Variants in PHACTR4 observed in about 807,000 individuals in gnomAD.
PHACTR4 encodes phosphatase and actin regulator 4.
In PHACTR4, 51 loss-of-function variants were observed where a neutral mutation model predicts 72.7. That is an observed-to-expected ratio of 0.70 (90% CI 0.56 to 0.89). PHACTR4 has a LOEUF of 0.89. Among genes scored for constraint, PHACTR4 ranks in the 40% least tolerant of loss-of-function variants. PHACTR4 has a pLI of 0.00. For missense variants in PHACTR4, 731 were observed against 861.8 expected (o/e 0.85, Z 1.90); for synonymous variants, 255 against 302.5 (o/e 0.84, Z 1.63).
chr1:28,402,225 C>T (rs544121546), intron 1 of PHACTR4, among the ~76,000 whole-genome samples: 2 of 152,214 alleles, frequency 1.3e-5, no homozygotes, highest in East Asian at 1.9e-4. Flanking sequence ...TTTCTAAGTG[C>T]TTTACATCTG....
At chr1:28,412,562 A>G (rs1654857992) in intron 2 of PHACTR4, among the ~76,000 whole-genome samples, 2 of 152,214 alleles carry the variant, frequency 1.3e-5, no homozygotes, top group Non-Finnish European at 2.9e-5. Flanking sequence ...GAAGAATACA[A>G]TGATTTCTGC....
intron 1 of PHACTR4, among the ~76,000 whole-genome samples, chr1:28,373,615 C>T (rs1341606914): frequency 4.6e-5 from 7 of 151,964 alleles, no homozygotes; most frequent in Non-Finnish European, 1.0e-4. Flanking sequence ...TTTATAGAGA[C>T]AGGTCTCGCC....
At chr1:28,408,286 G>A (rs1010854594) in intron 2 of PHACTR4, among the ~76,000 whole-genome samples, 1 of 134,526 alleles carries the variant, frequency 7.4e-6, no homozygotes, top group Non-Finnish European at 1.8e-5. Context: ...GTGACTGGGC[G>A]CAGTGGCTCA....
At chr1:28,467,726 A>G (rs1659288989) in intron 6 of PHACTR4, among the ~76,000 whole-genome samples, 1 of 152,182 alleles carries the variant, frequency 6.6e-6, no homozygotes, top group Admixed American at 6.6e-5. Flanking sequence ...ATCTTGGGAG[A>G]ATTAAGAATG....
At chr1:28,436,960 C>A (rs1027577677) in intron 2 of PHACTR4, among the ~76,000 whole-genome samples, 4 of 152,086 alleles carry the variant, frequency 2.6e-5, no homozygotes, top group Admixed American at 2.6e-4. Context: ...ATAATACCTT[C>A]CAAATATTTA....
chr1:28,467,029 T>G, intron 6 of PHACTR4: 2 of 350,074 alleles, frequency 5.7e-6, no homozygotes, highest in South Asian at 9.0e-5. Flanking sequence ...CCTGGCAACA[T>G]GGTGAAACCC....
chr1:28,392,613 G>C (rs1164375354), intron 1 of PHACTR4, among the ~76,000 whole-genome samples: 1 of 151,336 alleles, frequency 6.6e-6, no homozygotes, highest in African/African-American at 2.4e-5. Flanking sequence ...ATGTTACCTC[G>C]AACTCCTGGG....
chr1:28,483,320 A>G (rs931033672), intron 9 of PHACTR4, among the ~76,000 whole-genome samples: 104 of 151,644 alleles, frequency 6.9e-4, no homozygotes, highest in Non-Finnish European at 2.1e-4. Flanking sequence ...GCTTGAGCCC[A>G]GGAGGGGCTC....
chr1:28,401,431 C>T (rs1458742087), intron 1 of PHACTR4, among the ~76,000 whole-genome samples: 1 of 151,484 alleles, frequency 6.6e-6, no homozygotes, highest in African/African-American at 2.4e-5. Context: ...CTCAGCCTCC[C>T]ACGTAGCTGG....
In PHACTR4 at chr1:28,495,723, C is replaced by T. The variant is rs181873986; in HGVS notation, c.2094-811C>T. 9.4e-3 allele frequency among the ~76,000 whole-genome samples: 1,420 copies of T among 150,678 alleles called. 23 individuals carry two copies. Among genetic ancestry groups the T allele is most frequent in the African/African-American group, 0.033 (1,356 of 41,022 alleles). ...CCTCAACCTCTCATGTTCAAGCCATCCTCCCACCTCAGCCTCCTCAGTAGC... is the reference window on the plus strand; with the variant it reads ...CCTCAACCTCTCATGTTCAAGCCATTCTCCCACCTCAGCCTCCTCAGTAGC... On this transcript the variant is annotated intron_variant, in intron 13 of 13. Transcript: ENST00000373839.
chr1:28,386,411 A>T lies in PHACTR4; in HGVS notation c.-39+16586A>T, dbSNP rs571612093. Among the ~76,000 whole-genome samples, 19 of 152,156 alleles carry T rather than the reference A, an allele frequency of 1.2e-4. No individual in the cohort carries two copies. The South Asian group carries it at 3.9e-3, about 32-fold the overall frequency. ...GCCTGACCAATTCTGTTGTTTTTGGATGGAGGGTTCTGTAGGTGTCTTATC... is the reference window on the plus strand; with the variant it reads ...GCCTGACCAATTCTGTTGTTTTTGGTTGGAGGGTTCTGTAGGTGTCTTATC... On this transcript the variant is annotated intron_variant, in intron 1 of 13. Coordinates refer to ENST00000373839, the MANE Select transcript of PHACTR4 (RefSeq NM_001048183.3).
intron 8 of PHACTR4, among the ~76,000 whole-genome samples, chr1:28,478,546 C>T (rs1007902766): frequency 6.6e-6 from 1 of 152,178 alleles, no homozygotes; most frequent in African/African-American, 2.4e-5. Flanking sequence ...ATTCTCCTGC[C>T]TCAGCCTCCC....
At chr1:28,407,311 C>A in intron 1 of PHACTR4, 99 bp from the exon 2 acceptor site, 4 of 480,592 alleles carry the variant, frequency 8.3e-6, no homozygotes, top group South Asian at 4.2e-5. Context: ...CACTTTTAAA[C>A]TATAGTCAAT....
At chr1:28,403,384 T>C (rs1214129319) in intron 1 of PHACTR4, among the ~76,000 whole-genome samples, 4 of 152,016 alleles carry the variant, frequency 2.6e-5, no homozygotes, top group Admixed American at 2.0e-4. Context: ...CCTGAGAAGG[T>C]TGTGACCTTC....
At chr1:28,403,217 A>G (rs1342250126) in intron 1 of PHACTR4, among the ~76,000 whole-genome samples, 1 of 152,186 alleles carries the variant, frequency 6.6e-6, no homozygotes, top group Non-Finnish European at 1.5e-5. Context: ...CAGGAGCAGC[A>G]GTATTTGGCC....
At chr1:28,388,089 C>G (rs1652707234) in intron 1 of PHACTR4, among the ~76,000 whole-genome samples, 1 of 151,666 alleles carries the variant, frequency 6.6e-6, no homozygotes, top group Admixed American at 6.6e-5. Flanking sequence ...TACTTGGGAG[C>G]CTAAGGCAGG....
At chr1:28,491,852 A>G (rs1187042235) in intron 12 of PHACTR4, 65 bp downstream of exon 12, 11 of 1,547,836 alleles carry the variant, frequency 7.1e-6, no homozygotes. Flanking sequence ...GGAGGATCCA[A>G]GATACTAACT....
intron 7 of PHACTR4, among the ~76,000 whole-genome samples, chr1:28,474,612 C>T (rs894182971): frequency 6.6e-6 from 1 of 150,734 alleles, no homozygotes; most frequent in Non-Finnish European, 1.5e-5. Context: ...GCACGATCTC[C>T]GCTCACTGTA....
At chr1:28,465,099 C>T (rs570957330) in intron 4 of PHACTR4, among the ~76,000 whole-genome samples, 1 of 152,170 alleles carries the variant, frequency 6.6e-6, no homozygotes, top group Non-Finnish European at 1.5e-5. Flanking sequence ...TTTAAGCATC[C>T]AGATAATCTA....
Sources: allele counts gnomAD v4.1 joint callset (sites outside exome capture counted in the v4.1 genomes callset), GRCh38; gene constraint gnomAD v4.1.1; transcripts MANE v1.5; gene names NCBI Gene and HGNC (gene_info 2026-07-23, HGNC 2026-07-21).